TLN2: variants seen among roughly 807,000 people sequenced by gnomAD.
The protein encoded by TLN2 is talin-2.
In TLN2, 118 loss-of-function variants were observed where a neutral mutation model predicts 294.7. The ratio of observed to expected loss-of-function variants is 0.40; its 90% CI spans 0.34 to 0.47. TLN2 has a LOEUF of 0.47. Among genes scored for constraint, TLN2 ranks in the 20% least tolerant of loss-of-function variants. TLN2 has a pLI of 0.84. For synonymous variants in TLN2, 1,431 were observed against 1,304.5 expected (o/e 1.10, Z -2.09); for missense variants, 3,083 against 3,282.2 (o/e 0.94, Z 1.48).
intron 1 of TLN2, among the ~76,000 whole-genome samples, chr15:62,580,428 C>T (rs1302983459): frequency 6.9e-6 from 1 of 145,470 alleles, no homozygotes; most frequent in Non-Finnish European, 1.5e-5. Flanking sequence ...CCCTCCCTTC[C>T]TTCCCATTGT....
intron 11 of TLN2, among the ~76,000 whole-genome samples, chr15:62,677,689 C>T (rs1464556783): frequency 6.6e-6 from 1 of 151,702 alleles, no homozygotes; most frequent in East Asian, 1.9e-4. Flanking sequence ...TTCTTCCTTC[C>T]TCCTTCCTTC....
At chr15:62,647,700 G>A (rs1309676031) in intron 4 of TLN2, among the ~76,000 whole-genome samples, 1 of 152,084 alleles carries the variant, frequency 6.6e-6, no homozygotes, top group Non-Finnish European at 1.5e-5. Context: ...TATGCTCTGC[G>A]GTTTACAGAT....
At chr15:62,801,915 T>G (rs2065952098) in intron 50 of TLN2, among the ~76,000 whole-genome samples, 1 of 152,262 alleles carries the variant, frequency 6.6e-6, no homozygotes, top group East Asian at 1.9e-4. Flanking sequence ...CACATCAGGA[T>G]AATTGGGGTA....
chr15:62,819,766 A>G, intron 53 of TLN2, 145 bp downstream of exon 53: 1 of 654,000 alleles, frequency 1.5e-6, no homozygotes, highest in Non-Finnish European at 2.6e-6. Context: ...TCTGCAAGCA[A>G]ATGGGTTTAG....
At chr15:62,753,458 A>G (rs1405195918) in intron 35 of TLN2, among the ~76,000 whole-genome samples, 1 of 152,196 alleles carries the variant, frequency 6.6e-6, no homozygotes, top group Non-Finnish European at 1.5e-5. Flanking sequence ...TCGTGATCAC[A>G]AGATGGCTGC....
intron 27 of TLN2, among the ~76,000 whole-genome samples, chr15:62,725,917 A>G (rs956529026): frequency 2.6e-5 from 4 of 152,246 alleles, no homozygotes; most frequent in African/African-American, 7.2e-5. Flanking sequence ...CTTCAGGCGT[A>G]GAACAATGCC....
intron 1 of TLN2, among the ~76,000 whole-genome samples, chr15:62,559,193 G>C (rs2042774166): frequency 6.6e-6 from 1 of 152,176 alleles, no homozygotes; most frequent in African/African-American, 2.4e-5. Context: ...CAGGCGAGTT[G>C]TTAAGAGAGC....
chr15:62,515,208 C>T (rs2040127193), intron 1 of TLN2, among the ~76,000 whole-genome samples: 1 of 151,938 alleles, frequency 6.6e-6, no homozygotes, highest in South Asian at 2.1e-4. Context: ...AATTTTAATC[C>T]CCCCAAAAGT....
chr15:62,551,080 A>C (rs1043267175), intron 1 of TLN2, among the ~76,000 whole-genome samples: 1 of 152,154 alleles, frequency 6.6e-6, no homozygotes, highest in Non-Finnish European at 1.5e-5. Flanking sequence ...TAAGGAGTGC[A>C]CAGCCTAGGT....
At chr15:62,680,624 T>G (rs1574025) in intron 11 of TLN2, among the ~76,000 whole-genome samples, 37 of 150,862 alleles carry the variant, frequency 2.5e-4, no homozygotes, top group African/African-American at 8.8e-4. Flanking sequence ...GCGTTTTTTT[T>G]GTTACATGGG....
intron 1 of TLN2, among the ~76,000 whole-genome samples, chr15:62,511,798 G>A (rs2039952184): frequency 6.6e-6 from 1 of 152,192 alleles, no homozygotes; most frequent in South Asian, 2.1e-4. Flanking sequence ...TTGAGCTAGA[G>A]TGGAATGAGT....
rs148971742 is a variant in TLN2, at chr15:62,767,673, C to T, written c.5196+1251C>T. On this transcript the variant is annotated intron_variant, in intron 41 of 58. Transcript: ENST00000636159. ...CATTTCTTAGCTGAGTTTCTTTATA[C>T]GGCAATTAGAAAAGGGCTTGTCCGT... 9.9e-3 allele frequency among the ~76,000 whole-genome samples: 1,504 copies of T among 152,282 alleles called. 21 individuals are homozygous for T. Among genetic ancestry groups the T allele is most frequent in the African/African-American group, 0.034 (1,400 of 41,530 alleles).
chr15:62,491,395 C>CTT (rs1555416728), intron 1 of TLN2, among the ~76,000 whole-genome samples: 1 of 91,682 alleles, frequency 1.1e-5, no homozygotes, highest in Non-Finnish European at 2.1e-5. Context: ...CACACACACA[C>CTT]ATTTATATAA....
intron 3 of TLN2, among the ~76,000 whole-genome samples, chr15:62,642,065 A>C (rs1483429020): frequency 6.6e-6 from 1 of 152,264 alleles, no homozygotes; most frequent in East Asian, 1.9e-4. Context: ...TGGTTTCGTC[A>C]GCTCCGCTTC....
chr15:62,414,163 A>AAATATATATAT (rs1555404130), intron 1 of TLN2, among the ~76,000 whole-genome samples: 2 of 37,364 alleles, frequency 5.4e-5, no homozygotes, highest in Non-Finnish European at 6.2e-5. Context: ...AAAAAAAAAA[A>AAATATATATAT]CTATATATAT....
intron 12 of TLN2, 33 bp downstream of exon 12, chr15:62,686,829 G>C: frequency 6.2e-7 from 1 of 1,609,650 alleles, no homozygotes; most frequent in Non-Finnish European, 8.5e-7. Context: ...GAGAGCACTA[G>C]CGTGGCCTTG....
intron 1 of TLN2, among the ~76,000 whole-genome samples, chr15:62,522,983 C>G (rs1011669140): frequency 6.8e-6 from 1 of 147,456 alleles, no homozygotes; most frequent in South Asian, 2.1e-4. Context: ...CACACACTCT[C>G]TCACTCACAC....
chr15:62,593,532 G>A (rs1276943839), intron 2 of TLN2, among the ~76,000 whole-genome samples: 1 of 152,180 alleles, frequency 6.6e-6, no homozygotes, highest in East Asian at 1.9e-4. Context: ...AAGCCCCCCT[G>A]GAGAACTCAA....
At chr15:62,567,337 G>A (rs564149889) in intron 1 of TLN2, among the ~76,000 whole-genome samples, 86 of 152,258 alleles carry the variant, frequency 5.6e-4, no homozygotes, top group Non-Finnish European at 1.1e-3. Flanking sequence ...GTTCAAGGCA[G>A]TGGACATTTT....
Sources: allele counts gnomAD v4.1 joint callset (sites outside exome capture counted in the v4.1 genomes callset), GRCh38; gene constraint gnomAD v4.1.1; transcripts MANE v1.5; gene names NCBI Gene and HGNC (gene_info 2026-07-23, HGNC 2026-07-21).